SPAST: variants seen among roughly 807,000 people sequenced by gnomAD.
The protein encoded by SPAST is spastin, also known as spastic paraplegia 4 (autosomal dominant; spastin).
Under a neutral mutation model 76.6 loss-of-function variants are expected in SPAST, and 30 were observed. That is an observed-to-expected ratio of 0.39 (90% CI 0.29 to 0.53). The LOEUF is 0.53. Ranked by LOEUF, SPAST falls within the 20% of genes least tolerant of loss-of-function variation. The pLI, the probability that SPAST is intolerant of heterozygous loss-of-function variation, is 0.68. For synonymous variants in SPAST, 305 were observed against 281.0 expected (o/e 1.09, Z -0.86); for missense variants, 717 against 770.5 (o/e 0.93, Z 0.82).
chr2:32,139,065 G>C (rs1254317818), intron 12 of SPAST, among the ~76,000 whole-genome samples: 1 of 152,124 alleles, frequency 6.6e-6, no homozygotes, highest in African/African-American at 2.4e-5. Flanking sequence ...CTGCTGTGTA[G>C]TTCGGTTTAA....
At chr2:32,124,861 A>AGATC (rs1679140487) in intron 7 of SPAST, among the ~76,000 whole-genome samples, 1 of 152,236 alleles carries the variant, frequency 6.6e-6, no homozygotes, top group South Asian at 2.1e-4. Flanking sequence ...AACAGTAAAT[A>AGATC]GATCAGTGGT....
In SPAST at chr2:32,140,806, T is replaced by A. The variant is rs143326070; in HGVS notation, c.1494-1098T>A. 3.3e-3 allele frequency among the ~76,000 whole-genome samples: 498 copies of A among 151,928 alleles called. 3 individuals are homozygous for A. The highest frequency in any genetic ancestry group is 0.011 in the African/African-American group (475 of 41,536). ...AAATTTTTAAAAAATTAAATTATTT[T>A]ATTTCGTGGAAAGATACTTGGTCAT... On this transcript the variant is annotated intron_variant, in intron 12 of 16. Coordinates refer to ENST00000315285, the MANE Select transcript of SPAST (RefSeq NM_014946.4).
Position 32,146,289 on chromosome 2 carries a change from T to G in SPAST, c.1688-929T>G, listed in dbSNP as rs1422431836. Among the ~76,000 whole-genome samples, 3 of 152,348 alleles carry G rather than the reference T, an allele frequency of 2.0e-5. No individual in the cohort carries two copies. The East Asian group carries it at 5.8e-4, about 29-fold the overall frequency. On this transcript the variant is annotated intron_variant, in intron 15 of 16. Coordinates refer to ENST00000315285, the MANE Select transcript of SPAST (RefSeq NM_014946.4). Reference sequence around the variant, plus strand: ...AAGTACAGAAAATGGCCGGGTGCAGTGGCTCACACCTATAATCCCAGCACT... The same window carrying G: ...AAGTACAGAAAATGGCCGGGTGCAGGGGCTCACACCTATAATCCCAGCACT...
chr2:32,089,723 A>G (rs1293682954), intron 3 of SPAST, 118 bp downstream of exon 3: 14 of 692,768 alleles, frequency 2.0e-5, no homozygotes, highest in East Asian at 1.4e-4. Context: ...TTTTTAACAT[A>G]AAGAAAACGT....
intron 16 of SPAST, 73 bp downstream of exon 16, chr2:32,147,331 T>C: frequency 1.5e-6 from 1 of 656,240 alleles, no homozygotes; most frequent in Non-Finnish European, 2.4e-6. Context: ...CATATATGAA[T>C]GTGTGTGTGT....
At chr2:32,126,508 T>C (rs1213613740) in intron 7 of SPAST, 1 of 115,694 alleles carries the variant, frequency 8.6e-6, no homozygotes, top group African/African-American at 3.3e-5. Flanking sequence ...TGAGACAGGG[T>C]CTCACTTTGT....
At chr2:32,088,818 A>G (rs566423030) in intron 2 of SPAST, among the ~76,000 whole-genome samples, 9 of 152,180 alleles carry the variant, frequency 5.9e-5, no homozygotes, top group Non-Finnish European at 1.2e-4. Flanking sequence ...TATGGTTATA[A>G]CAACAATATT....
At chr2:32,084,908 AAAGGG>A (rs1365048099) in intron 1 of SPAST, among the ~76,000 whole-genome samples, 1 of 151,060 alleles carries the variant, frequency 6.6e-6, no homozygotes, top group Non-Finnish European at 1.5e-5. Flanking sequence ...AAAAAAAAAA[AAAGGG>A]AAGGAGCATG....
rs1411088444 is a variant in SPAST, at chr2:32,098,852, A to G, written c.643A>G (p.Ser215Gly). The G allele has an allele frequency of 6.2e-7, 1 of 1,613,954 alleles. No individual in the cohort carries two copies. Among genetic ancestry groups the G allele is most frequent in the Non-Finnish European group, 8.5e-7 (1 of 1,179,876 alleles). Residue 215 changes from serine to glycine, a missense_variant, in exon 4 of 17, where the codon AGT becomes GGT. By Grantham distance (56) the Ser-to-Gly change is moderately conservative (BLOSUM62 0). Transcript: ENST00000315285. ...GTCACAAACGGACGTCTATAATGAC[A>G]GTACTAACTTGGCATGCCGCAATGG... Reference protein sequence around the residue: ...SKSQTDVYNDSTNLACRNGHL... With the variant: ...SKSQTDVYNDGTNLACRNGHL...
intron 7 of SPAST, among the ~76,000 whole-genome samples, chr2:32,116,826 A>T (rs534122892): frequency 9.2e-5 from 14 of 152,212 alleles, no homozygotes; most frequent in African/African-American, 3.4e-4. Context: ...AAATTAGCCT[A>T]GTGTGGGGGC....
intron 1 of SPAST, among the ~76,000 whole-genome samples, chr2:32,065,664 A>T (rs1473533296): frequency 6.6e-6 from 1 of 152,154 alleles, no homozygotes; most frequent in Non-Finnish European, 1.5e-5. Flanking sequence ...AAAAACACCC[A>T]CTTTTCTACC....
chr2:32,110,836 T>C (rs887861913), intron 4 of SPAST, among the ~76,000 whole-genome samples: 3 of 109,304 alleles, frequency 2.7e-5, no homozygotes, highest in Non-Finnish European at 5.5e-5. Context: ...ATATATACAG[T>C]ATACTATATA....
chr2:32,064,975 C>G (rs1479305754), intron 1 of SPAST, among the ~76,000 whole-genome samples: 1 of 151,882 alleles, frequency 6.6e-6, no homozygotes, highest in Non-Finnish European at 1.5e-5. Flanking sequence ...ATGTATGTTT[C>G]TGAATGAAAG....
intron 1 of SPAST, among the ~76,000 whole-genome samples, chr2:32,077,178 T>C (rs1013703002): frequency 6.6e-6 from 1 of 152,194 alleles, no homozygotes; most frequent in African/African-American, 2.4e-5. Flanking sequence ...CCGGCTTTAA[T>C]TGAGATTTTT....
chr2:32,142,007 C>A, intron 13 of SPAST, 61 bp downstream of exon 13: 2 of 1,239,094 alleles, frequency 1.6e-6, no homozygotes, highest in Non-Finnish European at 2.4e-6. Context: ...ACCATCTTGA[C>A]AATATTAAGT....
At chr2:32,081,762 CGACAGAG>C (rs1677231252) in intron 1 of SPAST, among the ~76,000 whole-genome samples, 1 of 103,154 alleles carries the variant, frequency 9.7e-6, no homozygotes, top group African/African-American at 3.7e-5. Flanking sequence ...CCAGCCTGGG[CGACAGAG>C]TGAGACACTG....
chr2:32,118,114 A>G (rs1558325944), intron 7 of SPAST, among the ~76,000 whole-genome samples: 1 of 152,214 alleles, frequency 6.6e-6, no homozygotes, highest in Admixed American at 6.5e-5. Flanking sequence ...CACTATTAAC[A>G]TTAAAATCTT....
intron 15 of SPAST, among the ~76,000 whole-genome samples, chr2:32,146,710 C>G (rs995201152): frequency 6.6e-6 from 1 of 151,546 alleles, no homozygotes; most frequent in African/African-American, 2.4e-5. Flanking sequence ...ACTGAAAATA[C>G]AAAAATTAGC....
chr2:32,148,439 A>T (rs1415149091), intron 16 of SPAST, among the ~76,000 whole-genome samples: 4 of 151,950 alleles, frequency 2.6e-5, no homozygotes. Context: ...TGGGAGGCCG[A>T]GGTGGGCAGA....
Sources: allele counts gnomAD v4.1 joint callset (sites outside exome capture counted in the v4.1 genomes callset), GRCh38; gene constraint gnomAD v4.1.1; transcripts MANE v1.5; gene names NCBI Gene and HGNC (gene_info 2026-07-23, HGNC 2026-07-21).